The following KIFAP3 variants were observed in gnomAD, a reference collection of about 807,000 sequenced individuals.
KIFAP3 encodes kinesin associated protein 3.
A neutral mutation model predicts 106.5 loss-of-function variants in KIFAP3; 68 were observed. That is an observed-to-expected ratio of 0.64 (90% CI 0.53 to 0.78). KIFAP3 has a LOEUF of 0.78. Ranked by LOEUF, KIFAP3 falls within the 30% of genes least tolerant of loss-of-function variation. KIFAP3 has a pLI of 0.00. For synonymous variants in KIFAP3, 320 were observed against 311.5 expected, an observed-to-expected ratio of 1.03 and a Z score of -0.29; for missense variants, 780 against 941.8, an observed-to-expected ratio of 0.83 and a Z score of 2.25.
At position 169,981,973 on chromosome 1, in the gene KIFAP3, A is replaced by T; in HGVS notation, c.1797T>A (p.Asn599Lys). Residue 599 changes from asparagine (N) to lysine (K), a missense_variant and splice_region_variant, in exon 15 of 20, where the codon AAT becomes AAA. Physicochemically the swap from Asn to Lys is moderately conservative, Grantham distance 94. This residue lies in a region of KIFAP3 where 78 missense variants were observed against 140.6 expected (regional missense o/e 0.55). Coordinates refer to ENST00000361580, the MANE Select transcript of KIFAP3 (RefSeq NM_014970.4). ...GIIPALIELLNAQQEDDEFVC... is the reference protein window; with the variant it reads ...GIIPALIELLKAQQEDDEFVC... ...TAAAAATAAATTAAGGTTATTTACC[A>T]TTTAGCAATTCAATGAGTGCAGGGA... 1 of 1,610,658 alleles carries T rather than the reference A, an allele frequency of 6.2e-7. No individual in the cohort carries two copies. Among genetic ancestry groups the T allele is most frequent in the Non-Finnish European group, 8.5e-7 (1 of 1,177,858 alleles).
At chr1:169,971,585 A>T (rs1284957548) in intron 17 of KIFAP3, among the ~76,000 whole-genome samples, 1 of 152,072 alleles carries the variant, frequency 6.6e-6, no homozygotes, top group Non-Finnish European at 1.5e-5. Flanking sequence ...TTTCTGAAAT[A>T]AAATGTGAGA....
chr1:170,049,592 C>T (rs1274948779), intron 2 of KIFAP3, among the ~76,000 whole-genome samples: 1 of 152,222 alleles, frequency 6.6e-6, no homozygotes, highest in East Asian at 1.9e-4. Context: ...AGATCTCTGG[C>T]TGGCATCAGG....
chr1:170,035,417 T>C (rs1192052996), intron 6 of KIFAP3, 37 bp downstream of exon 6: 1 of 1,293,818 alleles, frequency 7.7e-7, no homozygotes. Context: ...GCAATAGAGA[T>C]ACAGTAGCCT....
At chr1:170,072,852 T>C (rs1671767914) in intron 1 of KIFAP3, among the ~76,000 whole-genome samples, 2 of 152,208 alleles carry the variant, frequency 1.3e-5, no homozygotes, top group African/African-American at 4.8e-5. Flanking sequence ...TTATTATTTA[T>C]AGTAAAAATT....
At chr1:169,989,243 T>C (rs920532095) in intron 11 of KIFAP3, among the ~76,000 whole-genome samples, 7 of 152,168 alleles carry the variant, frequency 4.6e-5, no homozygotes, top group East Asian at 1.9e-4. Context: ...CATTTTATAT[T>C]TGAGATTATA....
chr1:170,080,363 A>T (rs1672000831), intron 1 of KIFAP3, among the ~76,000 whole-genome samples: 1 of 152,120 alleles, frequency 6.6e-6, no homozygotes, highest in African/African-American at 2.4e-5. Context: ...TATAGATTCT[A>T]TATAACTCCA....
chr1:169,941,218 A>C (rs1326018660), intron 19 of KIFAP3, among the ~76,000 whole-genome samples: 1 of 152,202 alleles, frequency 6.6e-6, no homozygotes, highest in Non-Finnish European at 1.5e-5. Context: ...AAAGTTCAAC[A>C]TTCTAACATT....
intron 16 of KIFAP3, among the ~76,000 whole-genome samples, chr1:169,974,383 T>G (rs1320336614): frequency 6.6e-6 from 1 of 151,958 alleles, no homozygotes; most frequent in Non-Finnish European, 1.5e-5. Flanking sequence ...CCAAAAAATT[T>G]TATCAACAGT....
intron 19 of KIFAP3, among the ~76,000 whole-genome samples, chr1:169,925,739 T>G (rs1411278798): frequency 6.6e-6 from 1 of 152,118 alleles, no homozygotes; most frequent in Non-Finnish European, 1.5e-5. Context: ...TTATTAAATT[T>G]CTGGGCCAGA....
intron 19 of KIFAP3, among the ~76,000 whole-genome samples, chr1:169,938,080 AGAAATAT>A (rs1024347178): frequency 3.3e-5 from 5 of 152,034 alleles, no homozygotes; most frequent in Admixed American, 2.0e-4. Context: ...TAGATGGACT[AGAAATAT>A]GATTTTACAC....
In KIFAP3 at chr1:170,083,217, C is replaced by A. The variant is rs138610727; in HGVS notation, n.174+1818G>T. 5.8e-3 allele frequency among the ~76,000 whole-genome samples: 888 copies of A among 152,178 alleles called. 10 individuals are homozygous for A. The highest frequency in any genetic ancestry group is 0.021 in the African/African-American group (861 of 41,526). ...GTTAATCAAAGACGTGAATCCCAAG[C>A]AGGATAAATAAAACAAATTCATTAC... On this transcript the variant is annotated intron_variant and non_coding_transcript_variant, in intron 1 of 5. Coordinates refer to the KIFAP3 transcript ENST00000490550.
intron 10 of KIFAP3, among the ~76,000 whole-genome samples, chr1:169,998,037 GAA>G (rs758509353): frequency 6.6e-4 from 92 of 140,262 alleles, no homozygotes; most frequent in Non-Finnish European, 1.2e-3. Flanking sequence ...TCCCTTAATG[GAA>G]AAAAAAAAAA....
chr1:169,928,218 G>A (rs1354025930), intron 19 of KIFAP3, among the ~76,000 whole-genome samples: 2 of 151,712 alleles, frequency 1.3e-5, no homozygotes, highest in Non-Finnish European at 2.9e-5. Context: ...TCCTGCCTCA[G>A]CCTCCAAATT....
chr1:169,967,203 T>C (rs1665674246), intron 17 of KIFAP3, among the ~76,000 whole-genome samples: 1 of 151,888 alleles, frequency 6.6e-6, no homozygotes, highest in South Asian at 2.1e-4. Flanking sequence ...AAGGGTCATT[T>C]GCAGACTAAA....
chr1:170,006,447 T>C (rs1013534190), intron 10 of KIFAP3, among the ~76,000 whole-genome samples: 1 of 152,188 alleles, frequency 6.6e-6, no homozygotes, highest in Non-Finnish European at 1.5e-5. Flanking sequence ...AGAGCTTATG[T>C]TGCTGGGGCC....
intron 19 of KIFAP3, among the ~76,000 whole-genome samples, chr1:169,953,228 A>G (rs1664819520): frequency 6.6e-6 from 1 of 152,160 alleles, no homozygotes; most frequent in Admixed American, 6.5e-5. Flanking sequence ...GAACTTTATT[A>G]TAATTGCAAA....
rs565797417 is a variant in KIFAP3 at position 169,932,344 on chromosome 1, C to T, written c.2274-10563G>A. On this transcript the variant is annotated intron_variant, in intron 19 of 19. Coordinates refer to ENST00000361580, the MANE Select transcript of KIFAP3 (RefSeq NM_014970.4). ...ACTAAACATGCTGTAAAGTCTAAGA[C>T]CTTAAACATAATTCAAAAGTTAATA... Among the ~76,000 whole-genome samples the T allele has an allele frequency of 2.0e-4, 30 of 152,112 alleles. 1 individual carries two copies. In the South Asian group the frequency reaches 5.8e-3, roughly 29 times the overall value.
At chr1:169,998,412 A>ACG in intron 10 of KIFAP3, among the ~76,000 whole-genome samples, 1 of 148,880 alleles carries the variant, frequency 6.7e-6, no homozygotes, top group Admixed American at 6.7e-5. Flanking sequence ...ACACACACAC[A>ACG]CACACACACA....
At chr1:169,945,838 G>A (rs909188831) in intron 19 of KIFAP3, among the ~76,000 whole-genome samples, 3 of 152,086 alleles carry the variant, frequency 2.0e-5, no homozygotes, top group African/African-American at 7.2e-5. Flanking sequence ...TTTCAGTTAA[G>A]TTTACAATTT....
Sources: gnomAD v4.1 joint callset for allele counts (sites outside exome capture counted in the v4.1 genomes callset) on GRCh38, gnomAD v4.1.1 for gene constraint, gnomAD v4.1.1 regional missense constraint, MANE v1.5 for transcripts, NCBI Gene and HGNC (gene_info 2026-07-23, HGNC 2026-07-21) for gene names.